Variants in LRMDA observed in about 807,000 individuals in gnomAD.
LRMDA encodes the protein leucine-rich melanocyte differentiation-associated protein.
Under a neutral mutation model 29.8 loss-of-function variants are expected in LRMDA, and 18 were observed. The observed-to-expected ratio is 0.60, with a 90% CI of 0.42 to 0.90. LRMDA has a LOEUF of 0.90. LRMDA is among the 40% of genes least tolerant of loss of function. LRMDA has a pLI of 0.00. For synonymous variants in LRMDA, 125 were observed against 109.4 expected (o/e 1.14, Z -0.89); for missense variants, 273 against 273.9 (o/e 1.00, Z 0.02).
At chr10:76,387,785 T>C (rs1027879612) in intron 6 of LRMDA, among the ~76,000 whole-genome samples, 1 of 152,174 alleles carries the variant, frequency 6.6e-6, no homozygotes, top group Non-Finnish European at 1.5e-5. Flanking sequence ...ACCATGAGAT[T>C]GTGCTTATAA....
rs574492826 is a variant in LRMDA, at chr10:76,558,496, C to G, written c.*1208C>G. ...GGTGACTCAAAGTTTATCTAACTTG[C>G]TGGTGCACCAGTCAAATCACTCTAG... On this transcript the variant is annotated 3_prime_UTR_variant, in exon 7 of 7. Coordinates refer to ENST00000611255, the MANE Select transcript of LRMDA (RefSeq NM_001305581.2). 1 of 152,308 alleles carries G rather than the reference C, an allele frequency of 6.6e-6. No homozygotes were observed. The highest frequency in any genetic ancestry group is 2.4e-5 in the African/African-American group (1 of 41,552). The allele number at this position is 152,308 out of a possible 1,614,324, so 9.4% of individuals were successfully genotyped here.
chr10:75,562,520 T>C lies in LRMDA; in HGVS notation c.131+124026T>C, dbSNP rs568053750. On this transcript the variant is annotated intron_variant, in intron 2 of 6. Coordinates refer to ENST00000611255, the MANE Select transcript of LRMDA (RefSeq NM_001305581.2). Reference sequence around the variant, plus strand: ...TGTGTCTTTTAATTGGAGCATTTAGTCCATTTACATTTAAAGTTAATATTG... The same window carrying C: ...TGTGTCTTTTAATTGGAGCATTTAGCCCATTTACATTTAAAGTTAATATTG... 9.4e-3 allele frequency among the ~76,000 whole-genome samples: 1,425 copies of C among 152,248 alleles called. 34 individuals carry two copies. Among genetic ancestry groups the C allele is most frequent in the African/African-American group, 0.032 (1,335 of 41,492 alleles).
chr10:75,751,562 C>T (rs533769981), intron 2 of LRMDA, among the ~76,000 whole-genome samples: 1 of 152,256 alleles, frequency 6.6e-6, no homozygotes, highest in Non-Finnish European at 1.5e-5. Flanking sequence ...ATTGTATCTA[C>T]CTCAAAGAAG....
chr10:76,212,024 G>A (rs1377841881), intron 5 of LRMDA, among the ~76,000 whole-genome samples: 2 of 152,112 alleles, frequency 1.3e-5, no homozygotes, highest in African/African-American at 4.8e-5. Flanking sequence ...GTTCAAAAAG[G>A]AACCAATTCA....
chr10:75,517,766 C>T (rs61033173), intron 2 of LRMDA, among the ~76,000 whole-genome samples: 1 of 152,108 alleles, frequency 6.6e-6, no homozygotes, highest in Non-Finnish European at 1.5e-5. Flanking sequence ...AGAGGGCATC[C>T]TTGTCTTGTG....
chr10:76,039,697 A>G (rs994376806), intron 3 of LRMDA, among the ~76,000 whole-genome samples: 3 of 152,218 alleles, frequency 2.0e-5, no homozygotes, highest in African/African-American at 7.2e-5. Flanking sequence ...ACTTTTCTGC[A>G]TGACCTTGGG....
intron 6 of LRMDA, among the ~76,000 whole-genome samples, chr10:76,375,493 T>C (rs1841505394): frequency 6.6e-6 from 1 of 152,198 alleles, no homozygotes; most frequent in African/African-American, 2.4e-5. Context: ...TTGCTTATGA[T>C]GACATCCAAA....
intron 2 of LRMDA, chr10:75,782,830 C>T (rs1192206797): frequency 6.8e-6 from 10 of 1,475,682 alleles, no homozygotes; most frequent in East Asian, 2.5e-5. Context: ...CCAGCGCCGG[C>T]GTGCATGTGT....
intron 2 of LRMDA, chr10:75,642,595 C>G (rs1482889035): frequency 1.3e-5 from 2 of 152,072 alleles, no homozygotes; most frequent in Non-Finnish European, 2.9e-5. Context: ...GGAGGTTTTC[C>G]CAGTCTGAAG....
At chr10:75,793,978 C>T (rs1248230943) in intron 2 of LRMDA, among the ~76,000 whole-genome samples, 1 of 152,228 alleles carries the variant, frequency 6.6e-6, no homozygotes, top group Non-Finnish European at 1.5e-5. Flanking sequence ...GGAAAACGGC[C>T]ATAGGAAATA....
At chr10:76,154,360 A>T (rs1199160946) in intron 5 of LRMDA, among the ~76,000 whole-genome samples, 1 of 152,232 alleles carries the variant, frequency 6.6e-6, no homozygotes, top group African/African-American at 2.4e-5. Flanking sequence ...TGAGAAAATG[A>T]GATAAAAAAT....
intron 2 of LRMDA, among the ~76,000 whole-genome samples, chr10:75,750,407 G>C (rs1309861875): frequency 6.6e-6 from 1 of 150,518 alleles, no homozygotes; most frequent in African/African-American, 2.5e-5. Context: ...ACGGGGTGGC[G>C]GTCAGGCAGA....
At position 75,721,342 on chromosome 10, in the gene LRMDA, T is replaced by C. The variant is rs546065774; in HGVS notation, c.131+282848T>C. Among the ~76,000 whole-genome samples the C allele has an allele frequency of 5.1e-4, 78 of 152,318 alleles. 1 individual carries two copies. The highest frequency in any genetic ancestry group is 3.4e-3 in the Middle Eastern group (1 of 294). On this transcript the variant is annotated intron_variant, in intron 2 of 6. Coordinates refer to ENST00000611255, the MANE Select transcript of LRMDA (RefSeq NM_001305581.2). ...CAGAGAAGGATTTAGTTTTTATATA[T>C]GTATACGTACATTATAAGCATAATG...
chr10:76,180,346 C>T (rs765612390), intron 5 of LRMDA, among the ~76,000 whole-genome samples: 8 of 134,188 alleles, frequency 6.0e-5, no homozygotes, highest in African/African-American at 2.0e-4. Context: ...AGTGCAATGG[C>T]GTGATCTCTG....
intron 2 of LRMDA, among the ~76,000 whole-genome samples, chr10:75,439,843 C>T (rs954654091): frequency 6.6e-5 from 10 of 152,074 alleles, no homozygotes; most frequent in Admixed American, 3.9e-4. Flanking sequence ...GGACCGAGTG[C>T]GTGGCCTTGA....
At chr10:76,203,056 C>T (rs1023746849) in intron 5 of LRMDA, among the ~76,000 whole-genome samples, 2 of 152,244 alleles carry the variant, frequency 1.3e-5, no homozygotes, top group South Asian at 4.2e-4. Context: ...AAAAACTCAG[C>T]CCTGTGCTGA....
chr10:75,513,442 A>C (rs1208674976), intron 2 of LRMDA, among the ~76,000 whole-genome samples: 1 of 152,140 alleles, frequency 6.6e-6, no homozygotes, highest in African/African-American at 2.4e-5. Context: ...TGACTGGTGA[A>C]CTGCAGGAAT....
At chr10:76,533,059 G>C (rs1468388882) in intron 6 of LRMDA, among the ~76,000 whole-genome samples, 1 of 152,074 alleles carries the variant, frequency 6.6e-6, no homozygotes, top group Non-Finnish European at 1.5e-5. Flanking sequence ...ATTCAAAGAA[G>C]ATGCAGCCTT....
chr10:75,838,193 C>T (rs1844475907), intron 2 of LRMDA, among the ~76,000 whole-genome samples: 2 of 152,052 alleles, frequency 1.3e-5, no homozygotes, highest in African/African-American at 2.4e-5. Flanking sequence ...GATATATGAG[C>T]GTGGCTTTAT....
Sources: gnomAD v4.1 joint callset for allele counts (sites outside exome capture counted in the v4.1 genomes callset) on GRCh38, gnomAD v4.1.1 for gene constraint, MANE v1.5 for transcripts, NCBI Gene and HGNC (gene_info 2026-07-23, HGNC 2026-07-21) for gene names.